Variants in CAMK1D observed in about 807,000 individuals in gnomAD.
The protein encoded by CAMK1D is calcium/calmodulin-dependent protein kinase type 1D.
CAMK1D carries 9 observed loss-of-function variants against 47.7 expected under a neutral mutation model. The observed-to-expected ratio is 0.19, with a 90% confidence interval of 0.11 to 0.33. The LOEUF is 0.33. CAMK1D is among the 10% of genes least tolerant of loss of function. CAMK1D has a pLI of 1.00. For synonymous variants in CAMK1D, 184 were observed against 184.9 expected (o/e 0.99, Z 0.04); for missense variants, 291 against 488.7 (o/e 0.60, Z 3.81).
At chr10:12,802,960 G>A (rs1293153822) in intron 6 of CAMK1D, among the ~76,000 whole-genome samples, 2 of 152,246 alleles carry the variant, frequency 1.3e-5, no homozygotes, top group Admixed American at 1.3e-4. Context: ...CCCCATCTTT[G>A]CAGTGGCACA....
chr10:12,694,209 T>C (rs747029330), intron 3 of CAMK1D, among the ~76,000 whole-genome samples: 859 of 37,628 alleles, frequency 0.023, 257 homozygotes, highest in African/African-American at 0.056. Flanking sequence ...ATATATTATG[T>C]ATAATATAAA....
At chr10:12,388,972 C>T (rs1015457082) in intron 1 of CAMK1D, among the ~76,000 whole-genome samples, 1 of 152,152 alleles carries the variant, frequency 6.6e-6, no homozygotes, top group African/African-American at 2.4e-5. Context: ...AGCACATTGT[C>T]GTGTCGTCTG....
At chr10:12,698,951 A>C (rs11257940) in intron 3 of CAMK1D, among the ~76,000 whole-genome samples, 1 of 152,060 alleles carries the variant, frequency 6.6e-6, no homozygotes, top group Non-Finnish European at 1.5e-5. Context: ...GATTACAGGC[A>C]TGAGCCACTG....
chr10:12,663,232 A>AT (rs2132542452), intron 2 of CAMK1D, among the ~76,000 whole-genome samples: 1 of 152,008 alleles, frequency 6.6e-6, no homozygotes, highest in East Asian at 1.9e-4. Context: ...AAGTGCTGGG[A>AT]TTACAGGCAT....
chr10:12,627,023 C>T (rs1283039191), intron 2 of CAMK1D, among the ~76,000 whole-genome samples: 1 of 151,382 alleles, frequency 6.6e-6, no homozygotes, highest in African/African-American at 2.4e-5. Context: ...TTTTGTTTTC[C>T]TTTGTAGTTA....
intron 3 of CAMK1D, among the ~76,000 whole-genome samples, chr10:12,738,154 A>T (rs975849915): frequency 6.6e-6 from 1 of 152,252 alleles, no homozygotes; most frequent in African/African-American, 2.4e-5. Context: ...AAATATAATT[A>T]AAAGATAAAT....
Position 12,349,784 on chromosome 10 carries a change from C to A in CAMK1D, c.-35C>A, listed in dbSNP as rs369478542. ...CCCCCGGCGCCCCCTCCCCAGCGCG[C>A]CCCCGGCCGCTCCTCCGCGCCGCGC... is the stretch of plus-strand genomic sequence containing the variant. On this transcript the variant is annotated 5_prime_UTR_variant, in exon 1 of 11. Coordinates refer to ENST00000619168, the MANE Select transcript of CAMK1D (RefSeq NM_153498.4). 6.5e-6 allele frequency: 8 copies of A among 1,222,458 alleles called. No individual in the cohort carries two copies. The highest frequency in any genetic ancestry group is 2.4e-4 in the Middle Eastern group (1 of 4,118). 75.7% of individuals were successfully genotyped at this position (1,222,458 alleles called of 1,614,324 possible). A position where few individuals can be genotyped will look rare whatever the true frequency, so the allele number is the denominator to read the frequency against.
chr10:12,390,971 G>A (rs1209999504), intron 1 of CAMK1D, among the ~76,000 whole-genome samples: 1 of 152,130 alleles, frequency 6.6e-6, no homozygotes, highest in Non-Finnish European at 1.5e-5. Flanking sequence ...GTCAACTAAT[G>A]TGCTCAGAGT....
rs192202499 is a variant in CAMK1D at position 12,701,989 on chromosome 10, G to A, written c.299+35179G>A. 5.1e-4 allele frequency among the ~76,000 whole-genome samples: 78 copies of A among 152,322 alleles called. No homozygotes were observed. In the Middle Eastern group the frequency reaches 0.014, roughly 27 times the overall value. The stretch of plus-strand genomic sequence containing the variant: ...AGATCAGGTATGTGGGGCAGAGGGC[G>A]CAGTTATGAAGACCCTGGAAGCAAT... On this transcript the variant is annotated intron_variant, in intron 3 of 10. Transcript: ENST00000619168.
At chr10:12,469,119 A>T (rs1413526590) in intron 1 of CAMK1D, among the ~76,000 whole-genome samples, 1 of 151,686 alleles carries the variant, frequency 6.6e-6, no homozygotes, top group Non-Finnish European at 1.5e-5. Flanking sequence ...TGAGGAGAGG[A>T]GGGGGGCGGT....
chr10:12,520,749 A>ACCGGCC, intron 1 of CAMK1D, among the ~76,000 whole-genome samples: 1 of 39,638 alleles, frequency 2.5e-5, no homozygotes, highest in South Asian at 1.4e-3. Context: ...CAACACAGCA[A>ACCGGCC]AACCCAGTCT....
At chr10:12,578,454 T>C (rs752575786) in intron 2 of CAMK1D, among the ~76,000 whole-genome samples, 20 of 151,058 alleles carry the variant, frequency 1.3e-4, no homozygotes, top group Non-Finnish European at 2.5e-4. Context: ...CCTGTAATCC[T>C]AGCTACTCGA....
At chr10:12,766,164 C>T (rs1836747944) in intron 4 of CAMK1D, among the ~76,000 whole-genome samples, 1 of 151,830 alleles carries the variant, frequency 6.6e-6, no homozygotes, top group Non-Finnish European at 1.5e-5. Flanking sequence ...AGGGTTTCTC[C>T]ATGTTGGTCA....
rs527541862 is a variant in CAMK1D at position 12,704,254 on chromosome 10, C to T, written c.299+37444C>T. 3.3e-5 allele frequency among the ~76,000 whole-genome samples: 5 copies of T among 152,064 alleles called. No homozygotes were observed. In the East Asian group the frequency reaches 7.7e-4, roughly 23 times the overall value. Reference sequence around the variant, plus strand: ...AAGTAGAATATTGTTTATGTAAAACCCTTGGCTGTTATCAGCATTTCATAT... The same window carrying T: ...AAGTAGAATATTGTTTATGTAAAACTCTTGGCTGTTATCAGCATTTCATAT... On this transcript the variant is annotated intron_variant, in intron 3 of 10. Coordinates refer to ENST00000619168, the MANE Select transcript of CAMK1D (RefSeq NM_153498.4).
At chr10:12,641,612 C>T (rs1839668085) in intron 2 of CAMK1D, among the ~76,000 whole-genome samples, 1 of 147,708 alleles carries the variant, frequency 6.8e-6, no homozygotes, top group African/African-American at 2.6e-5. Context: ...GAGTGAGATC[C>T]CCATCTCAAA....
chr10:12,760,900 A>G (rs773827640), intron 3 of CAMK1D, 48 bp from the exon 4 acceptor site: 1 of 1,575,704 alleles, frequency 6.3e-7, no homozygotes, highest in South Asian at 1.1e-5. Flanking sequence ...CTTTCCCTTC[A>G]CAATTCAACA....
intron 8 of CAMK1D, among the ~76,000 whole-genome samples, chr10:12,820,970 T>C (rs1454711957): frequency 6.6e-6 from 1 of 152,180 alleles, no homozygotes; most frequent in Non-Finnish European, 1.5e-5. Context: ...ATCTCTAGGC[T>C]CATTGATAAG....
intron 2 of CAMK1D, among the ~76,000 whole-genome samples, chr10:12,657,744 T>C (rs1231951461): frequency 6.6e-6 from 1 of 152,232 alleles, no homozygotes; most frequent in Non-Finnish European, 1.5e-5. Flanking sequence ...TGGTTTGATA[T>C]GTATCCCTCT....
At chr10:12,424,219 G>A (rs752873925) in intron 1 of CAMK1D, among the ~76,000 whole-genome samples, 10 of 152,076 alleles carry the variant, frequency 6.6e-5, no homozygotes, top group South Asian at 4.1e-4. Flanking sequence ...AGCAAGCCCA[G>A]TGTGAGTCTA....
Sources: allele counts gnomAD v4.1 joint callset (sites outside exome capture counted in the v4.1 genomes callset), GRCh38; gene constraint gnomAD v4.1.1; transcripts MANE v1.5; gene names NCBI Gene and HGNC (gene_info 2026-07-23, HGNC 2026-07-21).